The following APBA1 variants were observed in gnomAD, a reference collection of about 807,000 sequenced individuals.
APBA1 encodes the protein amyloid-beta A4 precursor protein-binding family A member 1.
A neutral mutation model predicts 86.6 loss-of-function variants in APBA1; 55 were observed. The ratio of observed to expected loss-of-function variants is 0.64; its 90% CI spans 0.51 to 0.80. The LOEUF is 0.80. APBA1 is among the 30% of genes least tolerant of loss of function. APBA1 has a pLI of 0.00. For synonymous variants in APBA1, 511 were observed against 493.9 expected, an observed-to-expected ratio of 1.03 and a Z score of -0.46; for missense variants, 1,090 against 1,183.0, an observed-to-expected ratio of 0.92 and a Z score of 1.15.
chr9:69,607,216 G>A (rs1054518822), intron 1 of APBA1, among the ~76,000 whole-genome samples: 2 of 152,196 alleles, frequency 1.3e-5, no homozygotes, highest in Admixed American at 1.3e-4. Flanking sequence ...CAGCTCACAT[G>A]GCTGAGAAGG....
intron 1 of APBA1, among the ~76,000 whole-genome samples, chr9:69,638,350 C>G (rs1169637679): frequency 1.3e-5 from 2 of 152,220 alleles, no homozygotes; most frequent in African/African-American, 4.8e-5. Flanking sequence ...AAGCAATTCT[C>G]CTACCTCAGC....
intron 1 of APBA1, among the ~76,000 whole-genome samples, chr9:69,640,619 A>G (rs985043676): frequency 1.3e-5 from 2 of 152,208 alleles, no homozygotes; most frequent in East Asian, 3.9e-4. Flanking sequence ...AGGTATTAGT[A>G]TCCCTATTTC....
At chr9:69,434,133 A>C (rs1240546724) in intron 11 of APBA1, among the ~76,000 whole-genome samples, 1 of 152,204 alleles carries the variant, frequency 6.6e-6, no homozygotes, top group Non-Finnish European at 1.5e-5. Context: ...TGACTGTGGG[A>C]ACTGAGCCGG....
chr9:69,541,776 A>G (rs1836617908), intron 1 of APBA1, among the ~76,000 whole-genome samples: 1 of 152,156 alleles, frequency 6.6e-6, no homozygotes, highest in South Asian at 2.1e-4. Context: ...AAGAGTAAAT[A>G]CACTATAGAA....
At chr9:69,446,878 C>A (rs1273718599) in intron 10 of APBA1, among the ~76,000 whole-genome samples, 1 of 152,194 alleles carries the variant, frequency 6.6e-6, no homozygotes, top group East Asian at 1.9e-4. Flanking sequence ...TGTTCCTGCC[C>A]AGGCCCCATC....
At chr9:69,512,907 A>G (rs571335233) in intron 2 of APBA1, among the ~76,000 whole-genome samples, 1 of 152,310 alleles carries the variant, frequency 6.6e-6, no homozygotes, top group South Asian at 2.1e-4. Flanking sequence ...AACAGCATAC[A>G]TGGAGAACTA....
intron 1 of APBA1, among the ~76,000 whole-genome samples, chr9:69,590,256 C>T (rs1588381326): frequency 6.6e-6 from 1 of 152,240 alleles, no homozygotes; most frequent in Admixed American, 6.5e-5. Context: ...CAGGGCTTAG[C>T]CCAGTTCCTG....
intron 1 of APBA1, among the ~76,000 whole-genome samples, chr9:69,593,441 T>C (rs1822170478): frequency 6.6e-6 from 1 of 150,848 alleles, no homozygotes; most frequent in Non-Finnish European, 1.5e-5. Flanking sequence ...ACTGAAAAGA[T>C]ATTCAAAGAA....
intron 1 of APBA1, among the ~76,000 whole-genome samples, chr9:69,530,304 GTGTATA>G (rs150244896): frequency 7.1e-4 from 68 of 95,424 alleles, no homozygotes; most frequent in Middle Eastern, 6.3e-3. Flanking sequence ...AGTTGTGTGT[GTGTATA>G]TATATATATA....
At chr9:69,601,886 C>G (rs932451227) in intron 1 of APBA1, among the ~76,000 whole-genome samples, 1 of 152,242 alleles carries the variant, frequency 6.6e-6, no homozygotes, top group East Asian at 1.9e-4. Flanking sequence ...CTTCTAATAC[C>G]AAACAATGCT....
At chr9:69,473,988 T>G (rs1176666949) in intron 3 of APBA1, among the ~76,000 whole-genome samples, 1 of 152,246 alleles carries the variant, frequency 6.6e-6, no homozygotes, top group African/African-American at 2.4e-5. Context: ...CCTTATTATA[T>G]CTAATGCATA....
intron 12 of APBA1, among the ~76,000 whole-genome samples, chr9:69,432,276 G>A (rs918119214): frequency 7.2e-5 from 11 of 152,248 alleles, no homozygotes; most frequent in Non-Finnish European, 1.6e-4. Context: ...AAAGCTGAGT[G>A]TTAAAAAGAG....
chr9:69,637,095 G>A (rs1373214459), intron 1 of APBA1, among the ~76,000 whole-genome samples: 3 of 152,094 alleles, frequency 2.0e-5, no homozygotes, highest in East Asian at 1.9e-4. Context: ...AGGTATTTAC[G>A]TTAAGTGAAA....
intron 1 of APBA1, among the ~76,000 whole-genome samples, chr9:69,667,493 AGACTGTG>A (rs1049039063): frequency 1.3e-5 from 2 of 151,414 alleles, no homozygotes; most frequent in Non-Finnish European, 2.9e-5. Flanking sequence ...CTCACTTAAA[AGACTGTG>A]GCCAAATTCC....
chr9:69,623,240 C>A (rs1226386010), intron 1 of APBA1, among the ~76,000 whole-genome samples: 1 of 152,104 alleles, frequency 6.6e-6, no homozygotes, highest in Non-Finnish European at 1.5e-5. Context: ...CTCTGGTTTA[C>A]TGACCTGAGG....
intron 1 of APBA1, among the ~76,000 whole-genome samples, chr9:69,559,318 T>C (rs1216727314): frequency 1.3e-5 from 2 of 152,232 alleles, no homozygotes; most frequent in Non-Finnish European, 2.9e-5. Flanking sequence ...CAATGAATCT[T>C]GCATATGTAA....
intron 1 of APBA1, among the ~76,000 whole-genome samples, chr9:69,550,854 T>C (rs1305671953): frequency 6.6e-6 from 1 of 152,134 alleles, no homozygotes; most frequent in Non-Finnish European, 1.5e-5. Flanking sequence ...CATCATACAG[T>C]CCTCTACCAT....
At chr9:69,498,922 A>G (rs1051432899) in intron 2 of APBA1, among the ~76,000 whole-genome samples, 2 of 152,112 alleles carry the variant, frequency 1.3e-5, no homozygotes, top group African/African-American at 4.8e-5. Context: ...TTGAGAACAC[A>G]TTTATACCTC....
chr9:69,528,763 TAC>T (rs569963715), intron 1 of APBA1, among the ~76,000 whole-genome samples: 7 of 151,254 alleles, frequency 4.6e-5, no homozygotes, highest in African/African-American at 9.7e-5. Flanking sequence ...CACACATACG[TAC>T]ACACACACAC....
Sources: gnomAD v4.1 joint callset for allele counts (sites outside exome capture counted in the v4.1 genomes callset) on GRCh38, gnomAD v4.1.1 for gene constraint, MANE v1.5 for transcripts, NCBI Gene and HGNC (gene_info 2026-07-23, HGNC 2026-07-21) for gene names.